The following KCNK10 variants were observed in gnomAD, a reference collection of about 807,000 sequenced individuals.
The protein encoded by KCNK10 is potassium two pore domain channel subfamily K member 10.
Under a neutral mutation model 47.7 loss-of-function variants are expected in KCNK10, and 25 were observed. The observed-to-expected ratio is 0.52, with a 90% CI of 0.38 to 0.73. KCNK10 has a LOEUF of 0.73. Among genes scored for constraint, KCNK10 ranks in the 30% least tolerant of loss-of-function variants. The pLI, the probability that KCNK10 is intolerant of heterozygous loss-of-function variation, is 0.00. For missense variants in KCNK10, 563 were observed against 714.5 expected, an observed-to-expected ratio of 0.79 and a Z score of 2.42; for synonymous variants, 303 against 285.6, an observed-to-expected ratio of 1.06 and a Z score of -0.61.
chr14:88,222,251 C>T (rs906998980), intron 4 of KCNK10, among the ~76,000 whole-genome samples: 6 of 152,148 alleles, frequency 3.9e-5, no homozygotes, highest in African/African-American at 1.4e-4. Context: ...TCAACTACCT[C>T]CCCCTGGGTC....
At position 88,182,515 on chromosome 14, in the gene KCNK10, T is replaced by C. The variant is rs1412279610; in HGVS notation, c.*3020A>G. On this transcript the variant is annotated 3_prime_UTR_variant, in exon 7 of 7. Transcript: ENST00000319231. ...TGAAGAGGAATCCAACCTCTTATTC[T>C]CTCTCAGCATCTTTGCGAGAGTATT... The C allele has an allele frequency of 2.0e-5, 3 of 152,350 alleles. No individual in the cohort carries two copies. Among genetic ancestry groups the C allele is most frequent in the Non-Finnish European group, 4.4e-5 (3 of 68,032 alleles). The allele number at this position is 152,350 out of a possible 1,614,324, so 9.4% of individuals were successfully genotyped here. A position where few individuals can be genotyped will look rare whatever the true frequency, so the allele number is the denominator to read the frequency against.
intron 1 of KCNK10, among the ~76,000 whole-genome samples, chr14:88,314,180 G>T: frequency 6.6e-6 from 1 of 152,138 alleles, no homozygotes; most frequent in South Asian, 2.1e-4. Flanking sequence ...AACCCCAAAG[G>T]TAATGTTATT....
chr14:88,251,258 A>G (rs919194172), intron 2 of KCNK10, among the ~76,000 whole-genome samples: 2 of 148,538 alleles, frequency 1.3e-5, no homozygotes, highest in Non-Finnish European at 1.5e-5. Context: ...AAAAAAGAAC[A>G]GACACAAAAA....
intron 1 of KCNK10, among the ~76,000 whole-genome samples, chr14:88,274,517 CT>C (rs1317840599): frequency 9.0e-6 from 1 of 110,854 alleles, no homozygotes; most frequent in Non-Finnish European, 1.7e-5. Flanking sequence ...CACCACTGCA[CT>C]TTAGCCTGGG....
rs568097089 is a variant in KCNK10 at position 88,186,433 on chromosome 14, G to A, written c.1012-278C>T. On this transcript the variant is annotated intron_variant, in intron 6 of 6. Transcript: ENST00000319231. The surrounding 1 kb of genome is among the most constrained non-coding windows in gnomAD (Gnocchi z 5.5). ...GATGGTGACTTAAAGAGAGGGGGAC[G>A]GCATCCTGCAGGAGAGGTTAAAATG... Among the ~76,000 whole-genome samples the A allele has an allele frequency of 4.0e-5, 6 of 151,780 alleles. No individual in the cohort carries two copies. In the East Asian group the frequency reaches 7.7e-4, roughly 20 times the overall value.
chr14:88,226,588 G>C (rs1885994227), intron 4 of KCNK10, among the ~76,000 whole-genome samples: 1 of 152,174 alleles, frequency 6.6e-6, no homozygotes, highest in African/African-American at 2.4e-5. Context: ...CCTTACATCT[G>C]AGCAAAACAG....
intron 1 of KCNK10, among the ~76,000 whole-genome samples, chr14:88,293,055 G>A (rs1054565110): frequency 6.6e-6 from 1 of 152,152 alleles, no homozygotes; most frequent in Non-Finnish European, 1.5e-5. Context: ...GCCTGGAAAA[G>A]CTGTGAGGTA....
intron 1 of KCNK10, among the ~76,000 whole-genome samples, chr14:88,282,661 A>G (rs2139773871): frequency 6.6e-6 from 1 of 152,344 alleles, no homozygotes; most frequent in South Asian, 2.1e-4. Context: ...GCACAATTGC[A>G]CACTGTCTCA....
intron 2 of KCNK10, among the ~76,000 whole-genome samples, chr14:88,257,841 A>G (rs1203267032): frequency 6.6e-6 from 1 of 152,200 alleles, no homozygotes; most frequent in Non-Finnish European, 1.5e-5. Flanking sequence ...TTATTGGCTT[A>G]CATGCCTCTT....
chr14:88,214,786 A>T (rs1885567846), intron 4 of KCNK10, among the ~76,000 whole-genome samples: 1 of 152,220 alleles, frequency 6.6e-6, no homozygotes, highest in African/African-American at 2.4e-5. Flanking sequence ...AAGTCAGAAA[A>T]CTAAAATCCT....
intron 1 of KCNK10, among the ~76,000 whole-genome samples, chr14:88,316,558 C>A (rs1413338883): frequency 6.6e-6 from 1 of 152,210 alleles, no homozygotes; most frequent in Non-Finnish European, 1.5e-5. Flanking sequence ...GGTGACCACA[C>A]TCCTAGTGCC....
intron 4 of KCNK10, among the ~76,000 whole-genome samples, chr14:88,209,559 C>T (rs1566686266): frequency 6.6e-6 from 1 of 152,258 alleles, no homozygotes; most frequent in South Asian, 2.1e-4. Context: ...CTCGCTGCAT[C>T]GCGGCCAGTG....
At chr14:88,312,131 G>A (rs183859620) in intron 1 of KCNK10, among the ~76,000 whole-genome samples, 51 of 152,218 alleles carry the variant, frequency 3.4e-4, no homozygotes, top group African/African-American at 1.2e-3. Flanking sequence ...CTACTCAAAA[G>A]AAACCATATT....
At position 88,187,846 on chromosome 14, in the gene KCNK10, C is replaced by T. The variant is rs73322351; in HGVS notation, c.1011+121G>A. The T allele has an allele frequency of 3.1e-3, 2,899 of 944,206 alleles. 56 individuals carry two copies. The African/African-American group carries it at 0.041, about 13-fold the overall frequency. 58.5% of individuals were successfully genotyped at this position (944,206 alleles called of 1,614,324 possible). Reference sequence around the variant, plus strand: ...CAACATGAGGAAGCCTATGACCCGCCCCCCGCTCCCCCTGCAAAACCGAGC... The same window carrying T: ...CAACATGAGGAAGCCTATGACCCGCTCCCCGCTCCCCCTGCAAAACCGAGC... On this transcript the variant is annotated intron_variant, in intron 6 of 6. Transcript: ENST00000319231.
chr14:88,270,120 C>T (rs1439871306), intron 1 of KCNK10, among the ~76,000 whole-genome samples: 1 of 152,190 alleles, frequency 6.6e-6, no homozygotes, highest in Non-Finnish European at 1.5e-5. Flanking sequence ...GACCTCCCAC[C>T]CCTACTCTAG....
intron 1 of KCNK10, among the ~76,000 whole-genome samples, chr14:88,309,369 A>G (rs1351276476): frequency 6.6e-6 from 1 of 152,156 alleles, no homozygotes; most frequent in Non-Finnish European, 1.5e-5. Flanking sequence ...TGGGAAGCCG[A>G]GGTAGGCGGA....
intron 1 of KCNK10, among the ~76,000 whole-genome samples, chr14:88,268,998 T>C (rs1288323): frequency 0.67 from 102,409 of 152,010 alleles, 34,873 homozygotes; most frequent in East Asian, 0.93. Flanking sequence ...ATTAGCCGGG[T>C]ATGGTGGCAT....
At chr14:88,304,306 C>A (rs1183188158) in intron 1 of KCNK10, among the ~76,000 whole-genome samples, 2 of 151,956 alleles carry the variant, frequency 1.3e-5, no homozygotes, top group Non-Finnish European at 2.9e-5. Context: ...CAGAGCAAGA[C>A]CCTATCTCTC....
At chr14:88,229,096 A>G (rs1214925678) in intron 3 of KCNK10, among the ~76,000 whole-genome samples, 1 of 152,192 alleles carries the variant, frequency 6.6e-6, no homozygotes, top group Non-Finnish European at 1.5e-5. Flanking sequence ...CCCCAGCTTG[A>G]CTGTCTCACA....
Sources: allele counts gnomAD v4.1 joint callset (sites outside exome capture counted in the v4.1 genomes callset), GRCh38; gene constraint gnomAD v4.1.1; non-coding constraint Gnocchi (gnomAD v3.1); transcripts MANE v1.5; gene names NCBI Gene and HGNC (gene_info 2026-07-23, HGNC 2026-07-21).